The following RALGPS1 variants were observed in gnomAD, a reference collection of about 807,000 sequenced individuals.
RALGPS1 encodes Ral GEF with PH domain and SH3 binding motif 1.
RALGPS1 carries 19 observed loss-of-function variants against 78.8 expected under a neutral mutation model. The ratio of observed to expected loss-of-function variants is 0.24; its 90% CI spans 0.17 to 0.35. The LOEUF (loss-of-function observed/expected upper bound fraction) is 0.35, where lower values mean the gene tolerates loss of function less well. RALGPS1 is among the 10% of genes least tolerant of loss of function. The pLI, the probability that RALGPS1 is intolerant of heterozygous loss-of-function variation, is 1.00. For synonymous variants in RALGPS1, 228 were observed against 256.3 expected, an observed-to-expected ratio of 0.89 and a Z score of 1.06; for missense variants, 454 against 688.3, an observed-to-expected ratio of 0.66 and a Z score of 3.81.
intron 14 of RALGPS1, chr9:127,210,709 A>C: frequency 1.3e-6 from 2 of 1,550,618 alleles, no homozygotes; most frequent in Non-Finnish European, 1.7e-6. Context: ...GGACGTCTCT[A>C]TGCCACCCTG....
At chr9:127,045,795 AC>A (rs2047718019) in intron 5 of RALGPS1, among the ~76,000 whole-genome samples, 10 of 138,700 alleles carry the variant, frequency 7.2e-5, no homozygotes, top group East Asian at 4.2e-4. Context: ...ACACACACAC[AC>A]AATTTCTTGG....
At chr9:126,992,710 C>A (rs2042388147) in intron 4 of RALGPS1, among the ~76,000 whole-genome samples, 1 of 152,174 alleles carries the variant, frequency 6.6e-6, no homozygotes, top group Admixed American at 6.5e-5. Context: ...GTATGTAGGT[C>A]TTCTCTAATT....
At chr9:127,018,250 C>T (rs534786963) in intron 4 of RALGPS1, among the ~76,000 whole-genome samples, 1 of 151,210 alleles carries the variant, frequency 6.6e-6, no homozygotes, top group Non-Finnish European at 1.5e-5. Flanking sequence ...AACCAACCAA[C>T]CAAACAAAAT....
At chr9:127,024,056 G>T (rs374413474) in intron 4 of RALGPS1, among the ~76,000 whole-genome samples, 5 of 70,168 alleles carry the variant, frequency 7.1e-5, no homozygotes, top group East Asian at 5.4e-4. Flanking sequence ...AAAAAAAAAA[G>T]GACAGAAGCA....
intron 4 of RALGPS1, chr9:126,989,956 G>A (rs775654081): frequency 2.6e-6 from 4 of 1,550,432 alleles, no homozygotes; most frequent in South Asian, 1.2e-5. Context: ...CAGGCCACAT[G>A]ACACGTTGCA....
chr9:127,162,076 A>G (rs1272970757), intron 8 of RALGPS1, among the ~76,000 whole-genome samples: 7 of 152,188 alleles, frequency 4.6e-5, no homozygotes, highest in African/African-American at 1.4e-4. Flanking sequence ...AACGAGGGTA[A>G]CATGTGCTTC....
chr9:127,071,945 G>A (rs566429935), intron 8 of RALGPS1, among the ~76,000 whole-genome samples: 9 of 152,184 alleles, frequency 5.9e-5, no homozygotes, highest in East Asian at 3.9e-4. Flanking sequence ...GAAACCCCAC[G>A]CCCATGAGCA....
Position 127,002,791 on chromosome 9 carries a change from A to G in RALGPS1, c.216+25046A>G, listed in dbSNP as rs867750409. ...GGACATGAACTCATCATTTTTTATG[A>G]CTGCATAGTATTCCATGGTGTATAT... On this transcript the variant is annotated intron_variant, in intron 4 of 18. Coordinates refer to ENST00000259351, the MANE Select transcript of RALGPS1 (RefSeq NM_014636.3). 3.4e-3 allele frequency among the ~76,000 whole-genome samples: 519 copies of G among 151,778 alleles called. 2 individuals are homozygous for G. Among genetic ancestry groups the G allele is most frequent in the Middle Eastern group, 0.02 (6 of 294 alleles).
At chr9:127,081,224 A>G (rs1400325942) in intron 8 of RALGPS1, among the ~76,000 whole-genome samples, 1 of 130,422 alleles carries the variant, frequency 7.7e-6, no homozygotes, top group Non-Finnish European at 1.8e-5. Flanking sequence ...TAGGCACAAA[A>G]TGGCATTTTT....
intron 11 of RALGPS1, among the ~76,000 whole-genome samples, chr9:127,188,832 TAAAAAAA>T (rs202172226): frequency 1.1e-5 from 1 of 87,472 alleles, no homozygotes. Context: ...CCATCTCTAC[TAAAAAAA>T]AAAAAAAAAA....
At chr9:126,952,503 G>A (rs533601870) in intron 1 of RALGPS1, among the ~76,000 whole-genome samples, 1 of 152,286 alleles carries the variant, frequency 6.6e-6, no homozygotes, top group African/African-American at 2.4e-5. Context: ...AGAGATAACA[G>A]CATGGCCATC....
intron 1 of RALGPS1, among the ~76,000 whole-genome samples, chr9:126,946,765 C>T (rs770540011): frequency 2.0e-5 from 3 of 151,968 alleles, no homozygotes; most frequent in Admixed American, 6.6e-5. Context: ...CTCCCTTTTA[C>T]CCTCATTTCT....
At chr9:127,029,029 C>T (rs1183331117) in intron 4 of RALGPS1, among the ~76,000 whole-genome samples, 1 of 152,010 alleles carries the variant, frequency 6.6e-6, no homozygotes, top group Non-Finnish European at 1.5e-5. Flanking sequence ...GCCTCTAGAC[C>T]CCCAACTTCC....
chr9:127,018,443 G>T (rs947225391), intron 4 of RALGPS1, among the ~76,000 whole-genome samples: 2 of 152,064 alleles, frequency 1.3e-5, no homozygotes, highest in African/African-American at 4.8e-5. Context: ...TTCCCAGCCT[G>T]CCGAACACGG....
chr9:127,046,532 G>A (rs2047792455), intron 5 of RALGPS1, among the ~76,000 whole-genome samples: 1 of 152,134 alleles, frequency 6.6e-6, no homozygotes, highest in South Asian at 2.1e-4. Context: ...TCCAAACAAT[G>A]TATAAGAGTA....
intron 8 of RALGPS1, among the ~76,000 whole-genome samples, chr9:127,114,091 T>G (rs2055146054): frequency 6.6e-6 from 1 of 152,228 alleles, no homozygotes. Context: ...TTTATATACA[T>G]TATCTCACTT....
chr9:126,981,904 C>G (rs887232253), intron 4 of RALGPS1, among the ~76,000 whole-genome samples: 41 of 152,102 alleles, frequency 2.7e-4, no homozygotes, highest in Admixed American at 2.3e-3. Flanking sequence ...AGGTTGTAGT[C>G]AAGATGTTGG....
chr9:127,119,107 A>G (rs934510638), intron 8 of RALGPS1, among the ~76,000 whole-genome samples: 3 of 152,202 alleles, frequency 2.0e-5, no homozygotes, highest in Non-Finnish European at 4.4e-5. Flanking sequence ...GTGAGACAGT[A>G]TCGCAGAGCA....
At chr9:127,117,912 G>A (rs992758693) in intron 8 of RALGPS1, among the ~76,000 whole-genome samples, 1 of 152,200 alleles carries the variant, frequency 6.6e-6, no homozygotes, top group South Asian at 2.1e-4. Flanking sequence ...TTTCCTTGGT[G>A]GTCTTGGTAC....
Sources: gnomAD v4.1 joint callset for allele counts (sites outside exome capture counted in the v4.1 genomes callset) on GRCh38, gnomAD v4.1.1 for gene constraint, MANE v1.5 for transcripts, NCBI Gene and HGNC (gene_info 2026-07-23, HGNC 2026-07-21) for gene names.